Variants in CEP63 observed in about 807,000 individuals in gnomAD.
CEP63 encodes the protein centrosomal protein of 63 kDa.
A neutral mutation model predicts 89.1 loss-of-function variants in CEP63; 84 were observed. That is an observed-to-expected ratio of 0.94 (90% CI 0.79 to 1.13). The LOEUF (loss-of-function observed/expected upper bound fraction) is 1.13. CEP63 is among the 50% of genes most tolerant of loss of function. The pLI is 0.00. For missense variants in CEP63, 838 were observed against 813.3 expected (o/e 1.03, Z -0.37); for synonymous variants, 267 against 272.5 (o/e 0.98, Z 0.20).
the CEP63 span, among the ~76,000 whole-genome samples, chr3:134,743,069 G>A: frequency 6.6e-6 from 1 of 152,322 alleles, no homozygotes; most frequent in African/African-American, 2.4e-5. Context: ...AACACCCAGG[G>A]CAGCTGCCTT....
intron 3 of CEP63, among the ~76,000 whole-genome samples, chr3:134,507,976 G>A (rs1278902217): frequency 6.6e-6 from 1 of 152,134 alleles, no homozygotes; most frequent in Non-Finnish European, 1.5e-5. Context: ...AATCTCAGAA[G>A]GATTGGAAGA....
chr3:134,633,817 T>C, the CEP63 span, among the ~76,000 whole-genome samples: 148,390 of 152,222 alleles, frequency 0.97, 72,440 homozygotes, highest in East Asian at 1. Context: ...TAAAACTGTC[T>C]TTATTCACAG....
chr3:134,651,269 C>T, the CEP63 span: 13 of 1,197,114 alleles, frequency 1.1e-5, no homozygotes, highest in African/African-American at 1.5e-4. Context: ...GAGCCTCCCT[C>T]CCTGCGCCCC....
At chr3:134,523,209 T>A (rs7432268) in intron 3 of CEP63, among the ~76,000 whole-genome samples, 101,397 of 152,072 alleles carry the variant, frequency 0.67, 34,201 homozygotes, top group East Asian at 0.82. Context: ...TCTTTTGAAA[T>A]GTGTCTGTTC....
chr3:134,765,478 A>G, the CEP63 span, among the ~76,000 whole-genome samples: 1 of 152,310 alleles, frequency 6.6e-6, no homozygotes, highest in African/African-American at 2.4e-5. Context: ...TGAGTGAGTG[A>G]ATAAGGGGGA....
downstream of CEP63, among the ~76,000 whole-genome samples, chr3:134,566,163 T>A (rs1577479163): frequency 6.6e-6 from 1 of 152,096 alleles, no homozygotes; most frequent in East Asian, 1.9e-4. Context: ...GGAACTAGAA[T>A]TTGGGAATTT....
chr3:134,488,807 G>A lies in CEP63; in HGVS notation c.-26+2605G>A, dbSNP rs111543027. Among the ~76,000 whole-genome samples the A allele has an allele frequency of 1.7e-3, 263 of 152,160 alleles. 1 individual carries two copies. Among genetic ancestry groups the A allele is most frequent in the African/African-American group, 5.8e-3 (240 of 41,506 alleles). On this transcript the variant is annotated intron_variant, in intron 1 of 14. Transcript: ENST00000675561. ...AGTTAGATGTAGAATTGCACTGTCC[G>A]GTATTGTAGCCACCAGCCAGCAGTG...
chr3:134,540,782 T>TA lies in CEP63; in HGVS notation c.555+3517dup, dbSNP rs397978281. ...TTTTAGGATTTTTTTTTTTTTTTTT[T>TA]AAATCTTAATTTATTTTCTTTTTTG... On this transcript the variant is annotated intron_variant, in intron 6 of 14. Transcript: ENST00000675561. 3.1e-4 allele frequency among the ~76,000 whole-genome samples: 47 copies of TA among 150,834 alleles called. 1 individual carries two copies. In the South Asian group the frequency reaches 6.5e-3, roughly 21 times the overall value.
chr3:134,719,697 C>A, the CEP63 span, among the ~76,000 whole-genome samples: 1 of 152,118 alleles, frequency 6.6e-6, no homozygotes, highest in Non-Finnish European at 1.5e-5. Flanking sequence ...ATATATCTGT[C>A]TGGACATTTC....
At chr3:134,584,955 G>GTTTTTTTTTTTTTTTTTTTTTTT (rs1958446329) in intron 10 of CEP63, among the ~76,000 whole-genome samples, 1 of 21,728 alleles carries the variant, frequency 4.6e-5, no homozygotes, top group Non-Finnish European at 8.6e-5. Context: ...GATTTTCTAG[G>GTTTTTTTTTTTTTTTTTTTTTTT]GTTTTTTTTT....
At chr3:134,752,244 G>A in the CEP63 span, among the ~76,000 whole-genome samples, 4 of 152,194 alleles carry the variant, frequency 2.6e-5, no homozygotes, top group Non-Finnish European at 5.9e-5. Context: ...GTTTTTGGGT[G>A]AGTTAACCCA....
In CEP63 at chr3:134,531,803, C is replaced by G. The variant is rs758381096; in HGVS notation, c.223-42C>G. ...TTTTTATATCTCAGGGATGTTATTT[C>G]AATGCTAATAGTGAAAAATACTACC... On this transcript the variant is annotated intron_variant, in intron 3 of 14. Coordinates refer to ENST00000675561, the MANE Select transcript of CEP63 (RefSeq NM_001353108.3). 6 of 1,340,170 alleles carry G rather than the reference C, an allele frequency of 4.5e-6. No individual in the cohort carries two copies. In the South Asian group the frequency reaches 7.0e-5, roughly 16 times the overall value. The allele number at this position is 1,340,170 out of a possible 1,614,324, so 83.0% of individuals were successfully genotyped here.
chr3:134,607,420 C>A, the CEP63 span: 16,892 of 985,604 alleles, frequency 0.017, 185 homozygotes, highest in Middle Eastern at 0.031. Flanking sequence ...TCTGGGCCCA[C>A]CCACAGGCAC....
In CEP63 at chr3:134,561,562, A is replaced by G; in HGVS notation, c.*27A>G. ...CTCTTAAAAAAATCACTATCTTGGA[A>G]ATAAAAATAAACACCAAAGAGTTAC... On this transcript the variant is annotated 3_prime_UTR_variant, in exon 15 of 15. Coordinates refer to ENST00000675561, the MANE Select transcript of CEP63 (RefSeq NM_001353108.3). The G allele has an allele frequency of 6.3e-7, 1 of 1,595,694 alleles. No homozygotes were observed. Among genetic ancestry groups the G allele is most frequent in the Non-Finnish European group, 8.6e-7 (1 of 1,169,352 alleles).
the CEP63 span, among the ~76,000 whole-genome samples, chr3:134,606,670 C>T: frequency 6.6e-5 from 10 of 152,302 alleles, no homozygotes; most frequent in East Asian, 1.7e-3. Flanking sequence ...TGTTTCATTT[C>T]CTGCCACGTC....
At chr3:134,741,952 G>A in the CEP63 span, among the ~76,000 whole-genome samples, 1 of 152,050 alleles carries the variant, frequency 6.6e-6, no homozygotes, top group Admixed American at 6.5e-5. Flanking sequence ...GTGGGAAACA[G>A]TGAGCAAGTG....
chr3:134,700,054 C>T, the CEP63 span, among the ~76,000 whole-genome samples: 6 of 152,248 alleles, frequency 3.9e-5, no homozygotes, highest in African/African-American at 1.4e-4. Context: ...GTGAGCGCCT[C>T]CTTACATGTT....
intron 2 of CEP63, among the ~76,000 whole-genome samples, chr3:134,496,816 G>A (rs572593523): frequency 1.3e-5 from 2 of 152,188 alleles, no homozygotes; most frequent in African/African-American, 4.8e-5. Flanking sequence ...TATACAATAT[G>A]GTAGTTCTAT....
chr3:134,514,998 A>G (rs1945898540), intron 3 of CEP63, among the ~76,000 whole-genome samples: 1 of 152,194 alleles, frequency 6.6e-6, no homozygotes, highest in Non-Finnish European at 1.5e-5. Context: ...CTACAGGTGC[A>G]TGTCACTGTG....
Sources: gnomAD v4.1 joint callset for allele counts (sites outside exome capture counted in the v4.1 genomes callset) on GRCh38, gnomAD v4.1.1 for gene constraint, MANE v1.5 for transcripts, NCBI Gene and HGNC (gene_info 2026-07-23, HGNC 2026-07-21) for gene names.